FAM78B: variants seen among roughly 807,000 people sequenced by gnomAD.
FAM78B encodes family with sequence similarity 78 member B, also known as protein FAM78B.
In FAM78B, 10 loss-of-function variants were observed where a neutral mutation model predicts 20.0. The ratio of observed to expected loss-of-function variants is 0.50; its 90% CI spans 0.31 to 0.85. The LOEUF (loss-of-function observed/expected upper bound fraction) is 0.85, where lower values mean the gene tolerates loss of function less well. FAM78B is among the 40% of genes least tolerant of loss of function. The pLI is 0.05. For missense variants in FAM78B, 283 were observed against 345.0 expected (o/e 0.82, Z 1.42); for synonymous variants, 135 against 132.8 (o/e 1.02, Z -0.12).
chr1:166,076,658 T>C (rs1652289244), intron 1 of FAM78B, among the ~76,000 whole-genome samples: 1 of 152,232 alleles, frequency 6.6e-6, no homozygotes, highest in Non-Finnish European at 1.5e-5. Flanking sequence ...TTTTTATATA[T>C]TTTATTCACT....
At chr1:166,105,010 T>C (rs1224864664) in intron 1 of FAM78B, among the ~76,000 whole-genome samples, 1 of 152,112 alleles carries the variant, frequency 6.6e-6, no homozygotes, top group African/African-American at 2.4e-5. Flanking sequence ...AACAGACATA[T>C]AGACCAATGG....
At chr1:166,075,490 C>T (rs369950693) in intron 1 of FAM78B, among the ~76,000 whole-genome samples, 10 of 152,290 alleles carry the variant, frequency 6.6e-5, no homozygotes, top group African/African-American at 2.2e-4. Flanking sequence ...TGACATTTTA[C>T]ACCCATCCCT....
intron 1 of FAM78B, among the ~76,000 whole-genome samples, chr1:166,092,033 T>G (rs1218615324): frequency 5.6e-3 from 1 of 180 alleles, no homozygotes; most frequent in Non-Finnish European, 0.025. Context: ...TGAGCCATCA[T>G]TTTTTTTTTT....
intron 1 of FAM78B, among the ~76,000 whole-genome samples, chr1:166,135,695 A>G (rs1428566078): frequency 6.6e-6 from 1 of 152,208 alleles, no homozygotes; most frequent in Non-Finnish European, 1.5e-5. Flanking sequence ...AGAATTCCAA[A>G]TGGAGCTGTT....
rs146418488 is a variant in FAM78B at position 166,076,802 on chromosome 1, C to T, written c.264-6039G>A. 9.9e-5 allele frequency among the ~76,000 whole-genome samples: 15 copies of T among 152,232 alleles called. No homozygotes were observed. The East Asian group carries it at 2.3e-3, about 24-fold the overall frequency. ...TTCAATTTAGACACTGCTGCATTTG[C>T]GGAACTGACTAAATAGGCGGACACT... On this transcript the variant is annotated intron_variant, in intron 1 of 1. Coordinates refer to ENST00000354422, the MANE Select transcript of FAM78B (RefSeq NM_001017961.5).
At chr1:166,056,527 T>C (rs993388825), downstream of FAM78B, among the ~76,000 whole-genome samples, 1 of 152,152 alleles carries the variant, frequency 6.6e-6, no homozygotes, top group African/African-American at 2.4e-5. Flanking sequence ...GTTCCCACTC[T>C]TGCCTGGATG....
chr1:166,070,139 T>G lies in FAM78B; in HGVS notation c.*102A>C. ...CTGCAAAGGCTGGCAAACCGAGAGG[T>G]CTGCTTTGGCTCAGAAACTCTGTTT... On this transcript the variant is annotated 3_prime_UTR_variant, in exon 2 of 2. Transcript: ENST00000354422. The G allele has an allele frequency of 7.1e-7, 1 of 1,407,244 alleles. No individual in the cohort carries two copies. The allele number at this position is 1,407,244 out of a possible 1,614,324, so 87.2% of individuals were successfully genotyped here.
At chr1:166,088,499 G>A (rs1053218432) in intron 1 of FAM78B, among the ~76,000 whole-genome samples, 5 of 152,166 alleles carry the variant, frequency 3.3e-5, no homozygotes, top group Admixed American at 6.5e-5. Context: ...TGACTGTCAC[G>A]AAGGCTCTCC....
rs1441552604 is a variant in FAM78B at position 166,077,994 on chromosome 1, AT to A, written c.264-7232del. 3.3e-5 allele frequency among the ~76,000 whole-genome samples: 3 copies of A among 89,736 alleles called. 1 individual carries two copies. The highest frequency in any genetic ancestry group is 1.3e-4 in the African/African-American group (3 of 23,032). 58.9% of individuals were successfully genotyped at this position (89,736 alleles called of 152,430 possible). On this transcript the variant is annotated intron_variant, in intron 1 of 1. Transcript: ENST00000354422. The stretch of plus-strand genomic sequence containing the variant: ...TAATAAATATATATAATTTATATAT[AT>A]AATTATATATATAATAAATATATAT...
intron 1 of FAM78B, among the ~76,000 whole-genome samples, chr1:166,158,243 T>C (rs1215454578): frequency 2.6e-5 from 4 of 151,976 alleles, no homozygotes; most frequent in African/African-American, 9.7e-5. Context: ...GAGAATCACT[T>C]GGGCCCAGGG....
intron 1 of FAM78B, among the ~76,000 whole-genome samples, chr1:166,111,249 T>A (rs1182212397): frequency 6.6e-6 from 1 of 152,170 alleles, no homozygotes; most frequent in Non-Finnish European, 1.5e-5. Flanking sequence ...ACACTCCAAA[T>A]GTACGAAGTT....
intron 1 of FAM78B, among the ~76,000 whole-genome samples, chr1:166,123,810 G>A (rs1284817122): frequency 4.6e-5 from 7 of 152,162 alleles, no homozygotes; most frequent in Non-Finnish European, 1.0e-4. Context: ...ACGCCATGAG[G>A]GGCAAGCTGA....
At chr1:166,135,229 GAA>G (rs936293482) in intron 1 of FAM78B, among the ~76,000 whole-genome samples, 1 of 152,094 alleles carries the variant, frequency 6.6e-6, no homozygotes, top group Non-Finnish European at 1.5e-5. Context: ...AAGAAAAAGT[GAA>G]AAAAAGCAAG....
intron 1 of FAM78B, among the ~76,000 whole-genome samples, chr1:166,161,316 T>G (rs938697143): frequency 7.2e-5 from 11 of 152,116 alleles, no homozygotes; most frequent in African/African-American, 2.4e-4. Flanking sequence ...CCAGCTACTT[T>G]TTGGAATTTT....
chr1:166,076,688 G>A (rs745950619), intron 1 of FAM78B, among the ~76,000 whole-genome samples: 1 of 152,154 alleles, frequency 6.6e-6, no homozygotes, highest in South Asian at 2.1e-4. Context: ...CCAGTACCTA[G>A]AACAGTGCTG....
chr1:166,105,025 G>C (rs1044610853), intron 1 of FAM78B, among the ~76,000 whole-genome samples: 1 of 152,178 alleles, frequency 6.6e-6, no homozygotes, highest in African/African-American at 2.4e-5. Context: ...CAATGGAACA[G>C]AACAGGGCCC....
intron 1 of FAM78B, among the ~76,000 whole-genome samples, chr1:166,111,502 CGCAG>C (rs1340911858): frequency 6.6e-6 from 1 of 152,192 alleles, no homozygotes; most frequent in Non-Finnish European, 1.5e-5. Flanking sequence ...GACTGTGATT[CGCAG>C]ACAGTGTCCT....
chr1:166,131,787 T>C (rs1245222686), intron 1 of FAM78B, among the ~76,000 whole-genome samples: 1 of 152,206 alleles, frequency 6.6e-6, no homozygotes, highest in African/African-American at 2.4e-5. Context: ...TACGTGGCTA[T>C]GCACTAGTTG....
intron 1 of FAM78B, among the ~76,000 whole-genome samples, chr1:166,159,459 G>C (rs957265594): frequency 6.6e-6 from 1 of 152,138 alleles, no homozygotes; most frequent in African/African-American, 2.4e-5. Flanking sequence ...AATGCAGTAC[G>C]AATTAGAAGG....
Sources: allele counts gnomAD v4.1 joint callset (sites outside exome capture counted in the v4.1 genomes callset), GRCh38; gene constraint gnomAD v4.1.1; transcripts MANE v1.5; gene names NCBI Gene and HGNC (gene_info 2026-07-23, HGNC 2026-07-21).